The following MID2 variants were observed in gnomAD, a reference collection of about 807,000 sequenced individuals.
MID2 encodes the protein midline 2, also known as probable E3 ubiquitin-protein ligase MID2.
MID2 carries 13 observed loss-of-function variants against 46.1 expected under a neutral mutation model. That is an observed-to-expected ratio of 0.28 (90% confidence interval 0.18 to 0.45). The LOEUF (loss-of-function observed/expected upper bound fraction) is 0.45, where lower values mean the gene tolerates loss of function less well. Ranked by LOEUF, MID2 falls within the 20% of genes least tolerant of loss-of-function variation. The pLI is 1.00. For synonymous variants in MID2, 199 were observed against 212.3 expected (o/e 0.94, Z 0.55); for missense variants, 431 against 575.4 (o/e 0.75, Z 2.57).
chrX:107,861,305 GT>G lies in MID2; in HGVS notation c.816+6602del, dbSNP rs1400690509. 2.7e-5 allele frequency among the ~76,000 whole-genome samples: 3 copies of G among 111,632 alleles called. No individual in the cohort carries two copies. In the East Asian group the frequency reaches 8.4e-4, roughly 31 times the overall value. ...GAAGATGGAACATAAATTCAAAGAG[GT>G]CAGGAAGAAAGTAAGTTATAAGGAA... is the stretch of plus-strand genomic sequence containing the variant. On this transcript the variant is annotated intron_variant, in intron 3 of 9. Coordinates refer to ENST00000262843, the MANE Select transcript of MID2 (RefSeq NM_012216.4).
chrX:107,841,012 C>A lies in MID2; in HGVS notation c.347C>A (p.Ser116Tyr), dbSNP rs370437496. ...AAGGCTTCAGTCAGTGGGCCCAATTCCCCTAGTGAGAGCCGCCGGGAAAGG... is the reference window on the plus strand; with the variant it reads ...AAGGCTTCAGTCAGTGGGCCCAATTACCCTAGTGAGAGCCGCCGGGAAAGG... ...FQKASVSGPNSPSESRRERTY... is the reference protein window; with the variant it reads ...FQKASVSGPNYPSESRRERTY... Residue 116 changes from serine (S) to tyrosine (Y), a missense_variant, in exon 2 of 10, where the codon TCC becomes TAC. Ser to Tyr is a moderately radical substitution (Grantham distance 144). Transcript: ENST00000262843. 7 of 1,209,430 alleles carry A rather than the reference C, an allele frequency of 5.8e-6. No homozygotes were observed. In the African/African-American group the frequency reaches 1.2e-4, roughly 21 times the overall value.
intron 3 of MID2, among the ~76,000 whole-genome samples, chrX:107,879,094 A>C (rs1460122635): frequency 9.0e-6 from 1 of 111,176 alleles, no homozygotes; most frequent in African/African-American, 3.3e-5. Context: ...GTGGATCTGC[A>C]GCAGCATCTG....
chrX:107,875,632 G>T (rs746934809), intron 3 of MID2, among the ~76,000 whole-genome samples: 19 of 111,487 alleles, frequency 1.7e-4, no homozygotes, highest in Non-Finnish European at 3.0e-4. Flanking sequence ...CAGAATGGTG[G>T]TCCCCATACT....
intron 5 of MID2, among the ~76,000 whole-genome samples, chrX:107,908,714 AG>A (rs1932857835): frequency 1.9e-5 from 2 of 106,116 alleles, no homozygotes; most frequent in South Asian, 4.3e-4. Flanking sequence ...AAAAAAAAAA[AG>A]CCTGCATCTG....
At chrX:107,906,835 C>T (rs941580293) in intron 5 of MID2, among the ~76,000 whole-genome samples, 3 of 112,409 alleles carry the variant, frequency 2.7e-5, no homozygotes, top group Non-Finnish European at 5.6e-5. Context: ...ATATGCCTGC[C>T]TCAGCCTCCC....
intron 1 of MID2, among the ~76,000 whole-genome samples, chrX:107,837,717 T>G (rs188302687): frequency 9.0e-6 from 1 of 111,238 alleles, no homozygotes; most frequent in African/African-American, 3.3e-5. Flanking sequence ...ACCTGTGCTC[T>G]GGGTATGTAT....
At chrX:107,831,935 G>A (rs1010027459) in intron 1 of MID2, among the ~76,000 whole-genome samples, 1 of 112,052 alleles carries the variant, frequency 8.9e-6, no homozygotes, top group Admixed American at 9.5e-5. Flanking sequence ...CAATTATCAT[G>A]TGTTACCTTG....
At chrX:107,862,070 C>T (rs1281613022) in intron 3 of MID2, among the ~76,000 whole-genome samples, 1 of 111,686 alleles carries the variant, frequency 9.0e-6, no homozygotes, top group Non-Finnish European at 1.9e-5. Context: ...AAAGGCAATA[C>T]ATGTAAAGTA....
intron 3 of MID2, among the ~76,000 whole-genome samples, chrX:107,893,093 T>C (rs189012371): frequency 1.0e-3 from 116 of 112,990 alleles, no homozygotes; most frequent in African/African-American, 3.4e-3. Context: ...GCTTCAAGAA[T>C]TGGGTGTATC....
At chrX:107,878,458 C>A (rs1228519946) in intron 3 of MID2, among the ~76,000 whole-genome samples, 1 of 112,678 alleles carries the variant, frequency 8.9e-6, no homozygotes, top group Non-Finnish European at 1.9e-5. Flanking sequence ...GCCAAATGTT[C>A]ATTCTACTTA....
At chrX:107,886,917 TTC>T (rs900742895) in intron 3 of MID2, among the ~76,000 whole-genome samples, 72 of 111,849 alleles carry the variant, frequency 6.4e-4, no homozygotes, top group African/African-American at 1.5e-3. Flanking sequence ...TGATTTGACT[TTC>T]TGTTTGTCTG....
chrX:107,926,796 T>C lies in MID2; in HGVS notation c.1931T>C (p.Leu644Pro). 1 of 1,211,725 alleles carries C rather than the reference T, an allele frequency of 8.3e-7. No individual in the cohort carries two copies. The highest frequency in any genetic ancestry group is 1.1e-6 in the Non-Finnish European group (1 of 895,397). ...FVVRHNNKEM[L>P]VDVPPHLKRL... ...GTGAGACACAACAACAAGGAAATGCTGGTGGATGTGCCCCCACACCTGAAG... is the reference window on the plus strand; with the variant it reads ...GTGAGACACAACAACAAGGAAATGCCGGTGGATGTGCCCCCACACCTGAAG... The change falls in exon 10 of 10, where the codon CTG becomes CCG. Residue 644 changes from leucine to proline, a missense_variant. Coordinates refer to ENST00000262843, the MANE Select transcript of MID2 (RefSeq NM_012216.4).
chrX:107,849,908 G>T (rs760367776), intron 2 of MID2, among the ~76,000 whole-genome samples: 16 of 111,817 alleles, frequency 1.4e-4, no homozygotes, highest in Admixed American at 1.4e-3. Flanking sequence ...GGAAATGGGA[G>T]CTTCATCCTG....
rs201957104 is a variant in MID2 at position 107,924,472 on chromosome X, G to A, written c.1565G>A (p.Arg522Gln). The A allele has an allele frequency of 6.1e-5, 74 of 1,209,859 alleles. 1 individual carries two copies. The highest frequency in any genetic ancestry group is 5.9e-5 in the East Asian group (2 of 33,769). The change falls in exon 8 of 10, where the codon CGG (arginine) becomes CAG (glutamine). Residue 522 changes from arginine (R) to glutamine (Q), a missense_variant. Coordinates refer to ENST00000262843, the MANE Select transcript of MID2 (RefSeq NM_012216.4). ...IVKAINQAGS[R>Q]NSEPTRLKTN... ...AAAGCCATAAACCAAGCCGGCAGCCGGAACAGTGAACCTACCCGACTAAAA... is the reference window on the plus strand; with the variant it reads ...AAAGCCATAAACCAAGCCGGCAGCCAGAACAGTGAACCTACCCGACTAAAA...
At chrX:107,883,010 AC>A (rs1932359610) in intron 3 of MID2, among the ~76,000 whole-genome samples, 1 of 112,207 alleles carries the variant, frequency 8.9e-6, no homozygotes, top group East Asian at 2.8e-4. Context: ...ACCGTGGAAT[AC>A]TATGCAGCCA....
intron 3 of MID2, among the ~76,000 whole-genome samples, chrX:107,869,124 T>G (rs892231857): frequency 9.0e-6 from 1 of 111,385 alleles, no homozygotes; most frequent in Admixed American, 9.5e-5. Flanking sequence ...AAGTCTTTAA[T>G]GTACCTGGAA....
At chrX:107,922,000 A>G (rs1933082101) in intron 7 of MID2, among the ~76,000 whole-genome samples, 1 of 112,042 alleles carries the variant, frequency 8.9e-6, no homozygotes, top group Non-Finnish European at 1.9e-5. Context: ...TATAAACACA[A>G]ATATCCATAC....
chrX:107,904,125 G>A, intron 4 of MID2, 60 bp downstream of exon 4: 1 of 773,220 alleles, frequency 1.3e-6, no homozygotes, highest in Non-Finnish European at 2.0e-6. Flanking sequence ...ATCAAAGTTT[G>A]ATCCAGATGA....
chrX:107,873,800 G>A (rs1784342800), intron 3 of MID2, among the ~76,000 whole-genome samples: 1 of 111,323 alleles, frequency 9.0e-6, no homozygotes, highest in African/African-American at 3.3e-5. Flanking sequence ...GAGAAAAACC[G>A]AGGATAATAG....
Sources: allele counts gnomAD v4.1 joint callset (sites outside exome capture counted in the v4.1 genomes callset), GRCh38; gene constraint gnomAD v4.1.1; transcripts MANE v1.5; gene names NCBI Gene and HGNC (gene_info 2026-07-23, HGNC 2026-07-21).